The following CMC2 variants were observed in gnomAD, a reference collection of about 807,000 sequenced individuals.
CMC2 encodes C-X9-C motif containing 2.
In CMC2, 5 loss-of-function variants were observed where a neutral mutation model predicts 7.5. The observed-to-expected ratio is 0.66, with a 90% CI of 0.35 to 1.40. CMC2 has a LOEUF of 1.40. Among genes scored for constraint, CMC2 ranks in the 40% most tolerant of loss-of-function variants. CMC2 has a pLI of 0.04. For synonymous variants in CMC2, 37 were observed against 31.4 expected, an observed-to-expected ratio of 1.18 and a Z score of -0.60; for missense variants, 115 against 92.3, an observed-to-expected ratio of 1.25 and a Z score of -1.01.
chr16:80,996,284 G>A (rs1469126), intron 2 of CMC2, among the ~76,000 whole-genome samples: 99,203 of 152,084 alleles, frequency 0.65, 34,103 homozygotes, highest in South Asian at 0.8. Context: ...CTTTCTCTCC[G>A]CTGTGCCTCT....
At chr16:81,002,169 A>T (rs1046348396) in intron 1 of CMC2, among the ~76,000 whole-genome samples, 25 of 152,218 alleles carry the variant, frequency 1.6e-4, no homozygotes, top group African/African-American at 6.0e-4. Flanking sequence ...TCACACCTGT[A>T]ATCCCAGCAC....
chr16:80,986,506 T>C (rs1035087913), intron 2 of CMC2, among the ~76,000 whole-genome samples: 4 of 151,022 alleles, frequency 2.6e-5, no homozygotes, highest in African/African-American at 4.9e-5. Context: ...GAAAGATCAC[T>C]CTAAATCCAG....
chr16:81,003,461 G>T (rs2151656384), intron 1 of CMC2, among the ~76,000 whole-genome samples: 1 of 152,272 alleles, frequency 6.6e-6, no homozygotes, highest in African/African-American at 2.4e-5. Context: ...TGAACCATGA[G>T]AAACTGTCTT....
Position 80,966,499 on chromosome 16 carries a change from G to C in CMC2, c.*9594C>G, listed in dbSNP as rs559110022. On this transcript the variant is annotated 3_prime_UTR_variant, in exon 4 of 4. Transcript: ENST00000219400. ...ATGTTTTGACTTGAATTTTACACTTGTATCTTGTTTTGGTCTTAGGTTGAA... is the reference window on the plus strand; with the variant it reads ...ATGTTTTGACTTGAATTTTACACTTCTATCTTGTTTTGGTCTTAGGTTGAA... 6.6e-6 allele frequency: 1 copy of C among 152,198 alleles called. No individual in the cohort carries two copies. The highest frequency in any genetic ancestry group is 2.1e-4 in the South Asian group (1 of 4,822). 9.4% of individuals were successfully genotyped at this position (152,198 alleles called of 1,614,324 possible).
chr16:81,001,891 C>A (rs1968894438), intron 1 of CMC2, among the ~76,000 whole-genome samples: 1 of 152,164 alleles, frequency 6.6e-6, no homozygotes, highest in East Asian at 1.9e-4. Context: ...CAAATAAAGC[C>A]ATTGCACCTA....
At position 80,975,363 on chromosome 16, in the gene CMC2, C is replaced by A. The variant is rs1218760935; in HGVS notation, c.*730G>T. The A allele has an allele frequency of 6.6e-6, 1 of 152,268 alleles. No individual in the cohort carries two copies. The highest frequency in any genetic ancestry group is 6.5e-5 in the Admixed American group (1 of 15,284). 9.4% of individuals were successfully genotyped at this position (152,268 alleles called of 1,614,324 possible). Reference sequence around the variant, plus strand: ...GCACAGTGGCTCACGCTTGTAATCCCAACACTTTGGGAGGCTGAAGTGGGC... The same window carrying A: ...GCACAGTGGCTCACGCTTGTAATCCAAACACTTTGGGAGGCTGAAGTGGGC... On this transcript the variant is annotated 3_prime_UTR_variant, in exon 4 of 4. Transcript: ENST00000219400.
At chr16:80,993,419 C>T (rs188515988) in intron 2 of CMC2, among the ~76,000 whole-genome samples, 144 of 152,164 alleles carry the variant, frequency 9.5e-4, no homozygotes, top group African/African-American at 3.2e-3. Flanking sequence ...CTGGGGCAGC[C>T]GGAATTTGTG....
At position 80,988,580 on chromosome 16, in the gene CMC2, G is replaced by A. The variant is rs537138357; in HGVS notation, c.82-6703C>T. On this transcript the variant is annotated intron_variant, in intron 2 of 3. Coordinates refer to ENST00000219400, the MANE Select transcript of CMC2 (RefSeq NM_020188.5). ...TTTCTTCTGAACCGAGTAAGTTGCA[G>A]ATATGATGCACGTTTCCTAAAAAAA... 1.6e-5 allele frequency: 11 copies of A among 690,978 alleles called. No individual in the cohort carries two copies. The African/African-American group carries it at 1.6e-4, about 10-fold the overall frequency. 42.8% of individuals were successfully genotyped at this position (690,978 alleles called of 1,614,324 possible).
Position 81,006,861 on chromosome 16 carries a change from C to T in CMC2, c.-163G>A. 1.0e-6 allele frequency: 1 copy of T among 985,892 alleles called. No individual in the cohort carries two copies. The allele number at this position is 985,892 out of a possible 1,614,324, so 61.1% of individuals were successfully genotyped here. ...GACGCCGAAACCCAGTGACGCCCTC[C>T]ACCGCTCCACCGTGCTCCCGGCTCC... On this transcript the variant is annotated 5_prime_UTR_variant, in exon 1 of 4. Coordinates refer to ENST00000219400, the MANE Select transcript of CMC2 (RefSeq NM_020188.5).
At position 80,966,759 on chromosome 16, in the gene CMC2, G is replaced by C. The variant is rs908324207; in HGVS notation, c.*9334C>G. On this transcript the variant is annotated 3_prime_UTR_variant, in exon 4 of 4. Transcript: ENST00000219400. ...AACTTGACATGTACTCGAGTTATTT[G>C]TTTCAGCTTGTTTTCAAGTTTTAGG... 1.3e-5 allele frequency: 2 copies of C among 151,966 alleles called. No individual in the cohort carries two copies. The highest frequency in any genetic ancestry group is 2.9e-5 in the Non-Finnish European group (2 of 67,978). The allele number at this position is 151,966 out of a possible 1,614,324, so 9.4% of individuals were successfully genotyped here.
rs530488876 is a variant in CMC2, at chr16:80,989,459, C to T, written c.82-7582G>A. 4.6e-5 allele frequency among the ~76,000 whole-genome samples: 7 copies of T among 152,202 alleles called. No homozygotes were observed. In the South Asian group the frequency reaches 1.5e-3, roughly 32 times the overall value. On this transcript the variant is annotated intron_variant, in intron 2 of 3. Coordinates refer to ENST00000219400, the MANE Select transcript of CMC2 (RefSeq NM_020188.5). The stretch of plus-strand genomic sequence containing the variant: ...CCAGTGGGAATCCCTTCAAGCTAGC[C>T]CCTGTCCTTTTAACAGTCCCTATCA...
rs144931299 is a variant in CMC2, at chr16:81,003,074, C to A, written c.-36+3660G>T. Among the ~76,000 whole-genome samples, 12 of 152,302 alleles carry A rather than the reference C, an allele frequency of 7.9e-5. No individual in the cohort carries two copies. In the East Asian group the frequency reaches 2.3e-3, roughly 29 times the overall value. ...ACCCGTCACCTATGCTCACTTCCAT[C>A]CACTTTGTGTCACTTGGCTTTGCCT... On this transcript the variant is annotated intron_variant, in intron 1 of 3. Transcript: ENST00000219400.
chr16:81,001,270 C>G (rs1043036586), intron 1 of CMC2: 1 of 152,168 alleles, frequency 6.6e-6, no homozygotes, highest in Non-Finnish European at 1.5e-5. Context: ...ATCAACAGTA[C>G]CCCAAACCTC....
chr16:80,996,649 G>A (rs577304822), intron 2 of CMC2, among the ~76,000 whole-genome samples: 5 of 152,224 alleles, frequency 3.3e-5, no homozygotes, highest in African/African-American at 1.2e-4. Context: ...TCTACAGTTT[G>A]TAGACATCAT....
At position 80,971,033 on chromosome 16, in the gene CMC2, G is replaced by A. The variant is rs574589924; in HGVS notation, c.*5060C>T. On this transcript the variant is annotated 3_prime_UTR_variant, in exon 4 of 4. Transcript: ENST00000219400. ...GCCTGTAGTCCCAGCCACTCAGGAGGCTAAGGCACGAGAATTGCTTGAAGC... is the reference window on the plus strand; with the variant it reads ...GCCTGTAGTCCCAGCCACTCAGGAGACTAAGGCACGAGAATTGCTTGAAGC... 6.6e-6 allele frequency: 1 copy of A among 152,302 alleles called. No individual in the cohort carries two copies. The highest frequency in any genetic ancestry group is 1.9e-4 in the East Asian group (1 of 5,174). The allele number at this position is 152,302 out of a possible 1,614,324, so 9.4% of individuals were successfully genotyped here.
chr16:80,996,861 A>G (rs1343757951), intron 2 of CMC2: 1 of 244,898 alleles, frequency 4.1e-6, no homozygotes, highest in Admixed American at 5.2e-5. Flanking sequence ...ACAACTAAAC[A>G]CATCAGATTA....
chr16:81,001,688 AC>A (rs1395530520), intron 1 of CMC2, among the ~76,000 whole-genome samples: 2 of 152,170 alleles, frequency 1.3e-5, no homozygotes, highest in Non-Finnish European at 2.9e-5. Flanking sequence ...TTAAAAAAAA[AC>A]CTGTGAGAAA....
chr16:80,981,506 G>C (rs948233694), intron 3 of CMC2, among the ~76,000 whole-genome samples: 74 of 152,148 alleles, frequency 4.9e-4, no homozygotes, highest in Admixed American at 6.5e-5. Flanking sequence ...ACTGATATAA[G>C]TCTTTCTGCC....
intron 1 of CMC2, among the ~76,000 whole-genome samples, chr16:81,000,211 C>G (rs1968750845): frequency 6.6e-6 from 1 of 152,106 alleles, no homozygotes; most frequent in African/African-American, 2.4e-5. Flanking sequence ...AAAAAGTGGG[C>G]AAAAGGCTGG....
Sources: gnomAD v4.1 joint callset for allele counts (sites outside exome capture counted in the v4.1 genomes callset) on GRCh38, gnomAD v4.1.1 for gene constraint, MANE v1.5 for transcripts, NCBI Gene and HGNC (gene_info 2026-07-23, HGNC 2026-07-21) for gene names.